Variants in CCDC148 observed in about 807,000 individuals in gnomAD.
The protein encoded by CCDC148 is coiled-coil domain containing 148.
In CCDC148, 89 loss-of-function variants were observed where a neutral mutation model predicts 85.7. The ratio of observed to expected loss-of-function variants is 1.04; its 90% CI spans 0.87 to 1.24. CCDC148 has a LOEUF of 1.24. CCDC148 is among the 50% of genes most tolerant of loss of function. The pLI is 0.00. For missense variants in CCDC148, 692 were observed against 671.7 expected (o/e 1.03, Z -0.33); for synonymous variants, 230 against 213.9 (o/e 1.08, Z -0.66).
Position 158,188,674 on chromosome 2 carries a change from T to C in CCDC148, c.1371-9678A>G, listed in dbSNP as rs549700266. On this transcript the variant is annotated intron_variant, in intron 11 of 13. Transcript: ENST00000283233. ...AATCTAGGAAATACTTTTCTATACA[T>C]TGGCCTAGGCAAAGCATTTATGACT... Among the ~76,000 whole-genome samples, 17 of 152,140 alleles carry C rather than the reference T, an allele frequency of 1.1e-4. 1 individual carries two copies. The highest frequency in any genetic ancestry group is 1.1e-3 in the Admixed American group (17 of 15,250).
chr2:158,323,338 T>C (rs928377662), intron 7 of CCDC148, among the ~76,000 whole-genome samples: 1 of 152,216 alleles, frequency 6.6e-6, no homozygotes, highest in Non-Finnish European at 1.5e-5. Context: ...AATATCTCAT[T>C]AATTGAAAAA....
At chr2:158,190,987 C>T (rs1020243418) in intron 11 of CCDC148, among the ~76,000 whole-genome samples, 3 of 151,900 alleles carry the variant, frequency 2.0e-5, no homozygotes, top group Non-Finnish European at 2.9e-5. Flanking sequence ...AATATACCAC[C>T]GTGTTATCAA....
chr2:158,386,118 G>A (rs1025271610), intron 1 of CCDC148, among the ~76,000 whole-genome samples: 1 of 152,004 alleles, frequency 6.6e-6, no homozygotes, highest in Non-Finnish European at 1.5e-5. Flanking sequence ...ATCAGCGGTT[G>A]GGGGGCAGTG....
rs1282198463 is a variant in CCDC148 at position 158,282,130 on chromosome 2, A to G, written c.1110+27303T>C. Among the ~76,000 whole-genome samples the G allele has an allele frequency of 2.6e-5, 4 of 151,802 alleles. No individual in the cohort carries two copies. In the East Asian group the frequency reaches 5.8e-4, roughly 22 times the overall value. On this transcript the variant is annotated intron_variant, in intron 9 of 13. Coordinates refer to ENST00000283233, the MANE Select transcript of CCDC148 (RefSeq NM_138803.4). ...TTAGGTATTGATGGGACGTATTTCA[A>G]AATAATAAGAGCTATCTATGACAAA...
intron 9 of CCDC148, among the ~76,000 whole-genome samples, chr2:158,264,347 A>G (rs1414705019): frequency 6.6e-6 from 1 of 152,120 alleles, no homozygotes; most frequent in Non-Finnish European, 1.5e-5. Flanking sequence ...GCTATACAGG[A>G]GACCAAGAAT....
rs115949774 is a variant in CCDC148, at chr2:158,384,284, T to C, written c.26-25714A>G. On this transcript the variant is annotated intron_variant, in intron 1 of 13. Coordinates refer to ENST00000283233, the MANE Select transcript of CCDC148 (RefSeq NM_138803.4). ...TTTAATTTCTCGTTAAATATGTAAG[T>C]TTTTGTTTGTTCATATCTGCATAGA... Among the ~76,000 whole-genome samples the C allele has an allele frequency of 5.6e-3, 854 of 152,292 alleles. 5 individuals are homozygous for C. The highest frequency in any genetic ancestry group is 7.9e-3 in the Non-Finnish European group (534 of 68,020).
At chr2:158,411,564 C>T (rs1686260647) in intron 1 of CCDC148, among the ~76,000 whole-genome samples, 1 of 151,982 alleles carries the variant, frequency 6.6e-6, no homozygotes. Flanking sequence ...TTGTTGAACT[C>T]ATTTTGATTA....
chr2:158,293,103 T>A (rs1013396811), intron 9 of CCDC148, among the ~76,000 whole-genome samples: 4 of 152,016 alleles, frequency 2.6e-5, no homozygotes, highest in African/African-American at 9.7e-5. Context: ...AGTAAAATTT[T>A]AAAAAAAGTA....
In CCDC148 at chr2:158,285,237, G is replaced by C. The variant is rs183405851; in HGVS notation, c.1110+24196C>G. On this transcript the variant is annotated intron_variant, in intron 9 of 13. Transcript: ENST00000283233. The stretch of plus-strand genomic sequence containing the variant: ...TCGGAGACAGAGGTTGCAGCGAGCT[G>C]AGATCATGCCATTGCACTCCAGGCT... 2.7e-3 allele frequency among the ~76,000 whole-genome samples: 402 copies of C among 148,660 alleles called. 3 individuals are homozygous for C. The highest frequency in any genetic ancestry group is 9.3e-3 in the African/African-American group (374 of 40,176).
chr2:158,242,756 G>A (rs1375954054), intron 10 of CCDC148, among the ~76,000 whole-genome samples: 1 of 151,916 alleles, frequency 6.6e-6, no homozygotes, highest in Non-Finnish European at 1.5e-5. Flanking sequence ...TCTTAATGAG[G>A]TTGTTAGTGA....
At chr2:158,274,622 T>G (rs1689842404) in intron 9 of CCDC148, among the ~76,000 whole-genome samples, 1 of 152,232 alleles carries the variant, frequency 6.6e-6, no homozygotes, top group South Asian at 2.1e-4. Flanking sequence ...ATGGATTTCA[T>G]TCGGGGAGAG....
intron 1 of CCDC148, among the ~76,000 whole-genome samples, chr2:158,410,326 A>G (rs868713545): frequency 6.6e-6 from 1 of 152,166 alleles, no homozygotes; most frequent in Non-Finnish European, 1.5e-5. Context: ...GCCTTTTATT[A>G]GAAAGTTTAA....
intron 10 of CCDC148, among the ~76,000 whole-genome samples, chr2:158,234,993 G>A (rs549953975): frequency 8.5e-5 from 13 of 152,054 alleles, no homozygotes; most frequent in Non-Finnish European, 1.6e-4. Context: ...GAGGGTGGAG[G>A]AAAGAAAGGA....
At chr2:158,173,663 G>T (rs1291627798) in intron 13 of CCDC148, among the ~76,000 whole-genome samples, 1 of 151,990 alleles carries the variant, frequency 6.6e-6, no homozygotes, top group East Asian at 1.9e-4. Flanking sequence ...AGGGCTTGGG[G>T]CAACGATGAG....
chr2:158,444,280 G>A (rs1019560235), intron 1 of CCDC148, among the ~76,000 whole-genome samples: 1 of 152,052 alleles, frequency 6.6e-6, no homozygotes, highest in Non-Finnish European at 1.5e-5. Context: ...AAATCAAAAG[G>A]TTGAATAGAA....
chr2:158,192,725 C>A (rs1485028416), intron 11 of CCDC148, among the ~76,000 whole-genome samples: 7 of 151,894 alleles, frequency 4.6e-5, no homozygotes, highest in Admixed American at 4.6e-4. Context: ...GGGGCCTAAC[C>A]ATGACCCCAA....
intron 2 of CCDC148, among the ~76,000 whole-genome samples, chr2:158,357,416 G>A (rs1683718164): frequency 6.6e-6 from 1 of 152,022 alleles, no homozygotes; most frequent in Non-Finnish European, 1.5e-5. Context: ...GACTATTAGG[G>A]AGAAAAGTAT....
intron 7 of CCDC148, among the ~76,000 whole-genome samples, chr2:158,326,691 TC>T: frequency 6.6e-6 from 1 of 152,260 alleles, no homozygotes; most frequent in South Asian, 2.1e-4. Context: ...TCAATTTTTT[TC>T]CTTTAAAAAT....
chr2:158,222,192 C>G (rs1687220461), intron 10 of CCDC148, among the ~76,000 whole-genome samples: 1 of 151,972 alleles, frequency 6.6e-6, no homozygotes, highest in East Asian at 1.9e-4. Context: ...TAATGCAGAC[C>G]AATAATACTT....
Sources: allele counts gnomAD v4.1 joint callset (sites outside exome capture counted in the v4.1 genomes callset), GRCh38; gene constraint gnomAD v4.1.1; transcripts MANE v1.5; gene names NCBI Gene and HGNC (gene_info 2026-07-23, HGNC 2026-07-21).